ZFP64: variants seen among roughly 807,000 people sequenced by gnomAD.
ZFP64 encodes the protein ZFP64 zinc finger protein.
Under a neutral mutation model 51.6 loss-of-function variants are expected in ZFP64, and 14 were observed. The ratio of observed to expected loss-of-function variants is 0.27; its 90% confidence interval spans 0.18 to 0.42. The LOEUF is 0.42. ZFP64 is among the 10% of genes least tolerant of loss of function. The pLI is 1.00. For missense variants in ZFP64, 754 were observed against 906.8 expected, an observed-to-expected ratio of 0.83 and a Z score of 2.16; for synonymous variants, 375 against 361.4, an observed-to-expected ratio of 1.04 and a Z score of -0.43.
chr20:52,142,818 C>T (rs549131138), intron 5 of ZFP64, among the ~76,000 whole-genome samples: 28 of 102,064 alleles, frequency 2.7e-4, no homozygotes, highest in African/African-American at 1.0e-3. Flanking sequence ...CCACCCTGGG[C>T]GACAGAGTGA....
intron 5 of ZFP64, among the ~76,000 whole-genome samples, chr20:52,110,052 C>G (rs113964449): frequency 0.013 from 1,913 of 152,204 alleles, 35 homozygotes; most frequent in African/African-American, 0.043. Context: ...CCAAATTACA[C>G]CTGTCAAAGA....
chr20:52,097,374 C>G, exon 7 of ZFP64: 2 of 1,613,040 alleles, frequency 1.2e-6, no homozygotes, highest in Non-Finnish European at 1.7e-6. Flanking sequence ...GATACCTACC[C>G]GTGTGGATTC....
chr20:52,089,621 G>A (rs1173489665), intron 7 of ZFP64, among the ~76,000 whole-genome samples: 2 of 152,004 alleles, frequency 1.3e-5, no homozygotes, highest in African/African-American at 4.8e-5. Context: ...GTGCATGCCT[G>A]TAGTTCCAGC....
At chr20:52,103,989 G>C (rs2079081733) in intron 5 of ZFP64, among the ~76,000 whole-genome samples, 1 of 152,236 alleles carries the variant, frequency 6.6e-6, no homozygotes. Flanking sequence ...CCGCGGCTCT[G>C]GAGGGGTGAG....
intron 5 of ZFP64, among the ~76,000 whole-genome samples, chr20:52,145,842 C>T (rs1253919941): frequency 6.6e-6 from 1 of 152,076 alleles, no homozygotes; most frequent in African/African-American, 2.4e-5. Context: ...ACACTGTACA[C>T]TTAGACTACT....
At chr20:52,099,090 G>A (rs2079024047) in intron 5 of ZFP64, among the ~76,000 whole-genome samples, 1 of 151,628 alleles carries the variant, frequency 6.6e-6, no homozygotes. Context: ...GAAGTACAGG[G>A]GACAGGACAC....
chr20:52,138,440 C>T (rs888110237), intron 5 of ZFP64, among the ~76,000 whole-genome samples: 2 of 150,580 alleles, frequency 1.3e-5, no homozygotes, highest in African/African-American at 4.9e-5. Flanking sequence ...AAGAAAGATA[C>T]TGAATAACAG....
exon 9 of ZFP64, chr20:52,084,696 T>C (rs1281646511): frequency 1.2e-6 from 2 of 1,614,238 alleles, no homozygotes; most frequent in Non-Finnish European, 1.7e-6. Flanking sequence ...ACTGTGCTGC[T>C]TCTTGTGGCA....
At chr20:52,190,670 G>T (rs1171342702) in intron 1 of ZFP64, among the ~76,000 whole-genome samples, 2 of 152,094 alleles carry the variant, frequency 1.3e-5, no homozygotes, top group African/African-American at 4.8e-5. Context: ...GGGGAGGATG[G>T]TGTTTAGGAA....
intron 4 of ZFP64, among the ~76,000 whole-genome samples, chr20:52,161,387 ATTACTTTAG>A (rs1364744370): frequency 6.6e-6 from 1 of 150,720 alleles, no homozygotes; most frequent in Non-Finnish European, 1.5e-5. Context: ...GTGCCTTTGA[ATTACTTTAG>A]TTAATCCTTG....
intron 7 of ZFP64, among the ~76,000 whole-genome samples, chr20:52,089,256 C>G (rs1224955120): frequency 6.6e-6 from 1 of 152,080 alleles, no homozygotes; most frequent in Admixed American, 6.6e-5. Flanking sequence ...AAGCCAGAAC[C>G]AGAAAGACAC....
chr20:52,093,143 ATTT>A (rs564342669), intron 7 of ZFP64, among the ~76,000 whole-genome samples: 3 of 147,396 alleles, frequency 2.0e-5, no homozygotes, highest in African/African-American at 2.5e-5. Flanking sequence ...TAAAAAAAAA[ATTT>A]TTTTTTTTTT....
At chr20:52,188,208 C>A (rs1418604769) in intron 1 of ZFP64, among the ~76,000 whole-genome samples, 1 of 151,454 alleles carries the variant, frequency 6.6e-6, no homozygotes, top group Non-Finnish European at 1.5e-5. Flanking sequence ...ACACTGCAAT[C>A]AATCAATTCC....
At chr20:52,176,302 T>C (rs1182479300) in intron 2 of ZFP64, among the ~76,000 whole-genome samples, 1 of 151,886 alleles carries the variant, frequency 6.6e-6, no homozygotes, top group Non-Finnish European at 1.5e-5. Context: ...GTGTGGACTT[T>C]CCTTCTGAAC....
At position 52,153,173 on chromosome 20, in the gene ZFP64, T is replaced by C; in HGVS notation, c.1019A>G (p.Glu340Gly). The change falls in exon 6 of 6, where the codon GAG (glutamate) becomes GGG (glycine). Residue 340 changes from glutamate (E) to glycine (G), a missense_variant. Physicochemically the swap from Glu to Gly is moderately conservative, Grantham distance 98. Coordinates refer to ENST00000216923, the MANE Select transcript of ZFP64 (RefSeq NM_018197.3). The surrounding 1 kb of genome is among the most constrained non-coding windows in gnomAD (Gnocchi z 5.1). The part of the protein sequence containing the change: ...LRKHSRVHQS[E>G]HPEKCSECSY... ...GCATTCCGAGCACTTCTCAGGATGC[T>C]CCGACTGGTGCACGCGGCTGTGCTT... 6.2e-7 allele frequency: 1 copy of C among 1,614,210 alleles called. No homozygotes were observed. The highest frequency in any genetic ancestry group is 8.5e-7 in the Non-Finnish European group (1 of 1,180,044).
At chr20:52,155,004 C>A (rs902869815) in intron 5 of ZFP64, among the ~76,000 whole-genome samples, 1 of 151,936 alleles carries the variant, frequency 6.6e-6, no homozygotes, top group African/African-American at 2.4e-5. Flanking sequence ...TCCATGGAAC[C>A]CTTCTTAGAT....
At chr20:52,089,875 C>T (rs982207824) in intron 7 of ZFP64, among the ~76,000 whole-genome samples, 3 of 152,176 alleles carry the variant, frequency 2.0e-5, no homozygotes, top group Non-Finnish European at 2.9e-5. Flanking sequence ...GCTGTGCATG[C>T]GCAGGAGCAG....
chr20:52,180,717 C>T (rs972119776), intron 2 of ZFP64, among the ~76,000 whole-genome samples: 7 of 152,236 alleles, frequency 4.6e-5, no homozygotes, highest in Admixed American at 4.6e-4. Flanking sequence ...AAATGGCTTC[C>T]ATGTAGGAGC....
At chr20:52,171,392 CGTATGCGTATGT>C (rs1346231627) in intron 2 of ZFP64, among the ~76,000 whole-genome samples, 6 of 151,688 alleles carry the variant, frequency 4.0e-5, no homozygotes, top group Middle Eastern at 3.4e-3. Flanking sequence ...TCTGTGTATG[CGTATGCGTATGT>C]GTATGCGTAT....
Sources: gnomAD v4.1 joint callset for allele counts (sites outside exome capture counted in the v4.1 genomes callset) on GRCh38, gnomAD v4.1.1 for gene constraint, Gnocchi (gnomAD v3.1) non-coding constraint, MANE v1.5 for transcripts, NCBI Gene and HGNC (gene_info 2026-07-23, HGNC 2026-07-21) for gene names.